BMP5: variants seen among roughly 807,000 people sequenced by gnomAD.
The protein encoded by BMP5 is bone morphogenetic protein 5.
In BMP5, 23 loss-of-function variants were observed where a neutral mutation model predicts 46.6. That is an observed-to-expected ratio of 0.49 (90% CI 0.35 to 0.70). BMP5 has a LOEUF of 0.70. BMP5 is among the 30% of genes least tolerant of loss of function. The pLI, the probability that BMP5 is intolerant of heterozygous loss-of-function variation, is 0.00. For synonymous variants in BMP5, 204 were observed against 191.9 expected, an observed-to-expected ratio of 1.06 and a Z score of -0.52; for missense variants, 545 against 565.6, an observed-to-expected ratio of 0.96 and a Z score of 0.37.
At position 55,754,189 on chromosome 6, in the gene BMP5, C is replaced by T. The variant is rs1284928194; in HGVS notation, c.*1344G>A. ...TAAATAAGCCTAACCACAGAGTCACCATAAATAGCAAGTTATCAATCTAAA... is the reference window on the plus strand; with the variant it reads ...TAAATAAGCCTAACCACAGAGTCACTATAAATAGCAAGTTATCAATCTAAA... On this transcript the variant is annotated 3_prime_UTR_variant, in exon 7 of 7. Transcript: ENST00000370830. 1 of 151,814 alleles carries T rather than the reference C, an allele frequency of 6.6e-6. No homozygotes were observed. The highest frequency in any genetic ancestry group is 2.4e-5 in the African/African-American group (1 of 41,358). The allele number at this position is 151,814 out of a possible 1,614,324, so 9.4% of individuals were successfully genotyped here. A position where few individuals can be genotyped will look rare whatever the true frequency, so the allele number is the denominator to read the frequency against.
chr6:55,797,908 G>A (rs1319003193), intron 2 of BMP5, among the ~76,000 whole-genome samples: 1 of 152,092 alleles, frequency 6.6e-6, no homozygotes, highest in Admixed American at 6.5e-5. Context: ...GAGCCACTGC[G>A]TGTGATTGTT....
chr6:55,780,472 A>AAAAG (rs1161593935), intron 3 of BMP5, among the ~76,000 whole-genome samples: 1 of 125,584 alleles, frequency 8.0e-6, no homozygotes, highest in Non-Finnish European at 1.7e-5. Context: ...AAAAAAAAAA[A>AAAAG]AGAAAGAAAG....
intron 1 of BMP5, among the ~76,000 whole-genome samples, chr6:55,835,235 C>A (rs1776762835): frequency 2.0e-5 from 3 of 151,970 alleles, no homozygotes; most frequent in Non-Finnish European, 4.4e-5. Context: ...TTTATGAGAA[C>A]CAAGACCCTG....
At chr6:55,847,451 T>C (rs905561667) in intron 1 of BMP5, among the ~76,000 whole-genome samples, 7 of 151,950 alleles carry the variant, frequency 4.6e-5, no homozygotes, top group Non-Finnish European at 1.0e-4. Context: ...GAAGTGATCA[T>C]AGGTTTACAC....
intron 1 of BMP5, among the ~76,000 whole-genome samples, chr6:55,862,618 T>A (rs1455269529): frequency 2.6e-5 from 4 of 152,186 alleles, no homozygotes; most frequent in Non-Finnish European, 5.9e-5. Flanking sequence ...TGCTCTTGTA[T>A]CCTTATTTCC....
intron 2 of BMP5, among the ~76,000 whole-genome samples, chr6:55,799,987 T>C (rs753535521): frequency 3.3e-5 from 5 of 152,134 alleles, no homozygotes; most frequent in African/African-American, 9.7e-5. Flanking sequence ...AGAGGTTGCA[T>C]TGTGGATATA....
At chr6:55,836,381 C>T in intron 1 of BMP5, among the ~76,000 whole-genome samples, 1 of 152,082 alleles carries the variant, frequency 6.6e-6, no homozygotes, top group South Asian at 2.1e-4. Flanking sequence ...GACTAGAGAG[C>T]ATATTTTAAA....
intron 1 of BMP5, 130 bp from the exon 2 acceptor site, chr6:55,819,977 A>C: frequency 1.3e-6 from 1 of 796,378 alleles, no homozygotes; most frequent in Admixed American, 2.7e-5. Flanking sequence ...AAACCCTAAA[A>C]CCACAAACTG....
chr6:55,819,551 C>A, intron 2 of BMP5, 104 bp downstream of exon 2: 1 of 949,188 alleles, frequency 1.1e-6, no homozygotes, highest in Admixed American at 2.1e-5. Context: ...CTACATTGCC[C>A]CCAAAAAAAT....
intron 1 of BMP5, among the ~76,000 whole-genome samples, chr6:55,837,858 G>A (rs773935016): frequency 5.9e-5 from 9 of 151,978 alleles, no homozygotes; most frequent in South Asian, 4.1e-4. Flanking sequence ...ATCTATGTCC[G>A]TGAGTTCAAT....
chr6:55,758,596 G>A (rs937204306), intron 6 of BMP5, among the ~76,000 whole-genome samples: 2 of 152,022 alleles, frequency 1.3e-5, no homozygotes, highest in Non-Finnish European at 2.9e-5. Context: ...ACCAAAGTAT[G>A]TTATAGAACA....
intron 5 of BMP5, among the ~76,000 whole-genome samples, 153 bp downstream of exon 5, chr6:55,760,304 A>G (rs1774738426): frequency 6.6e-6 from 1 of 152,052 alleles, no homozygotes; most frequent in South Asian, 2.1e-4. Flanking sequence ...AGGTTAATTG[A>G]GAAATGAAAA....
intron 1 of BMP5, among the ~76,000 whole-genome samples, chr6:55,869,957 T>G (rs73450214): frequency 0.039 from 5,985 of 151,840 alleles, 369 homozygotes; most frequent in African/African-American, 0.13. Context: ...CCCCAGGAAG[T>G]GTGGGAGTGG....
intron 1 of BMP5, among the ~76,000 whole-genome samples, chr6:55,821,776 C>T (rs1208289559): frequency 6.6e-6 from 1 of 152,132 alleles, no homozygotes; most frequent in South Asian, 2.1e-4. Context: ...CCCTTTTGTC[C>T]ATTTGACTGG....
At chr6:55,853,415 A>G (rs2127550801) in intron 1 of BMP5, among the ~76,000 whole-genome samples, 1 of 148,866 alleles carries the variant, frequency 6.7e-6, no homozygotes, top group Admixed American at 6.9e-5. Flanking sequence ...CATGCCATTA[A>G]TCTCCTATTA....
intron 1 of BMP5, among the ~76,000 whole-genome samples, chr6:55,863,566 T>C (rs969526093): frequency 6.6e-6 from 1 of 152,210 alleles, no homozygotes; most frequent in Non-Finnish European, 1.5e-5. Flanking sequence ...CTACATTTAT[T>C]GTTGTTATTA....
At chr6:55,812,122 T>A (rs1048625917) in intron 2 of BMP5, among the ~76,000 whole-genome samples, 3 of 152,180 alleles carry the variant, frequency 2.0e-5, no homozygotes, top group African/African-American at 4.8e-5. Context: ...ATATGAGGTG[T>A]GACTATAGAG....
At chr6:55,770,732 A>G (rs554563871) in intron 4 of BMP5, among the ~76,000 whole-genome samples, 2 of 151,898 alleles carry the variant, frequency 1.3e-5, no homozygotes, top group Non-Finnish European at 2.9e-5. Context: ...AGATGTTTAA[A>G]TCTTCCTTTC....
Position 55,875,167 on chromosome 6 carries a change from T to A in BMP5, c.-302A>T. ...GCAGAAGACGGCTAATATTATTTGA[T>A]CAGATGACCTATGCATTCCTATATG... On this transcript the variant is annotated 5_prime_UTR_variant, in exon 1 of 7. Coordinates refer to ENST00000370830, the MANE Select transcript of BMP5 (RefSeq NM_021073.4). 1 of 312,800 alleles carries A rather than the reference T, an allele frequency of 3.2e-6. No homozygotes were observed. Among genetic ancestry groups the A allele is most frequent in the South Asian group, 3.3e-5 (1 of 29,898 alleles). The allele number at this position is 312,800 out of a possible 1,614,324, so 19.4% of individuals were successfully genotyped here.
Sources: gnomAD v4.1 joint callset for allele counts (sites outside exome capture counted in the v4.1 genomes callset) on GRCh38, gnomAD v4.1.1 for gene constraint, MANE v1.5 for transcripts, NCBI Gene and HGNC (gene_info 2026-07-23, HGNC 2026-07-21) for gene names.